UBE3D: variants seen among roughly 807,000 people sequenced by gnomAD.
UBE3D encodes the protein E3 ubiquitin-protein ligase E3D.
In UBE3D, 48 loss-of-function variants were observed where a neutral mutation model predicts 49.6. The ratio of observed to expected loss-of-function variants is 0.97; its 90% CI spans 0.77 to 1.23. The LOEUF (loss-of-function observed/expected upper bound fraction) is 1.23, where lower values mean the gene tolerates loss of function less well. Among genes scored for constraint, UBE3D ranks in the 50% most tolerant of loss-of-function variants. The pLI is 0.00. For synonymous variants in UBE3D, 189 were observed against 174.2 expected (o/e 1.08, Z -0.67); for missense variants, 452 against 468.4 (o/e 0.96, Z 0.32).
At chr6:82,990,226 T>C (rs1325966723) in intron 8 of UBE3D, among the ~76,000 whole-genome samples, 1 of 152,190 alleles carries the variant, frequency 6.6e-6, no homozygotes, top group African/African-American at 2.4e-5. Flanking sequence ...TAATTCACTA[T>C]GCCAACAGGA....
At chr6:82,983,264 T>C (rs568907023) in intron 8 of UBE3D, among the ~76,000 whole-genome samples, 1 of 152,034 alleles carries the variant, frequency 6.6e-6, no homozygotes, top group African/African-American at 2.4e-5. Context: ...AATTTACCCA[T>C]TTTTTGGCCA....
intron 9 of UBE3D, among the ~76,000 whole-genome samples, chr6:82,931,431 CA>C (rs1774143333): frequency 6.6e-6 from 1 of 152,176 alleles, no homozygotes; most frequent in African/African-American, 2.4e-5. Flanking sequence ...TTGCACTGTG[CA>C]CCTGGAAAAG....
intron 9 of UBE3D, among the ~76,000 whole-genome samples, chr6:82,949,671 G>C (rs1273028442): frequency 6.6e-6 from 1 of 151,976 alleles, no homozygotes; most frequent in African/African-American, 2.4e-5. Context: ...CAGACACACA[G>C]ACCAATGGAA....
At chr6:82,911,852 G>T (rs2127726834) in intron 9 of UBE3D, among the ~76,000 whole-genome samples, 1 of 152,272 alleles carries the variant, frequency 6.6e-6, no homozygotes. Flanking sequence ...CCTGCTTAAA[G>T]CTTTCTCCTG....
chr6:83,021,456 C>A (rs895717961), intron 7 of UBE3D, among the ~76,000 whole-genome samples: 1 of 148,146 alleles, frequency 6.8e-6, no homozygotes, highest in Admixed American at 6.8e-5. Flanking sequence ...AAACAAAAAA[C>A]AAACAGGAGC....
intron 8 of UBE3D, among the ~76,000 whole-genome samples, chr6:82,960,944 T>G (rs926438434): frequency 6.6e-6 from 1 of 152,162 alleles, no homozygotes; most frequent in Admixed American, 6.5e-5. Context: ...CATTCTGAAT[T>G]TTTTTAAAAA....
chr6:82,899,267 T>C (rs1421972869), intron 9 of UBE3D, among the ~76,000 whole-genome samples: 1 of 152,072 alleles, frequency 6.6e-6, no homozygotes, highest in Non-Finnish European at 1.5e-5. Flanking sequence ...AGGAAGAAGA[T>C]CCTGTCCCTC....
chr6:82,965,134 T>C (rs1043717952), intron 8 of UBE3D, among the ~76,000 whole-genome samples: 24 of 152,136 alleles, frequency 1.6e-4, no homozygotes, highest in Admixed American at 1.0e-3. Context: ...TCAGAAAGCA[T>C]TGGGAAAATG....
chr6:83,059,620 T>A (rs536352457), intron 1 of UBE3D, among the ~76,000 whole-genome samples: 7 of 152,182 alleles, frequency 4.6e-5, no homozygotes, highest in Non-Finnish European at 7.4e-5. Flanking sequence ...CCATCTCTGG[T>A]TTATCACATT....
chr6:83,036,562 A>G (rs1479860391), intron 5 of UBE3D: 1 of 151,838 alleles, frequency 6.6e-6, no homozygotes, highest in Non-Finnish European at 1.5e-5. Flanking sequence ...TTGCTTAATC[A>G]TTTATTTGCC....
chr6:82,986,949 C>T (rs926920482), intron 8 of UBE3D, among the ~76,000 whole-genome samples: 2 of 151,614 alleles, frequency 1.3e-5, no homozygotes, highest in South Asian at 4.2e-4. Context: ...CCCTTCCTCT[C>T]TTCCTTCCTT....
chr6:82,934,429 T>C lies in UBE3D; in HGVS notation c.1149+22883A>G, dbSNP rs1335747804. ...GGGGCTGGACTTAGACTGCATGATGTTTATGAAAGGAAACCAAAGAAAATT... is the reference window on the plus strand; with the variant it reads ...GGGGCTGGACTTAGACTGCATGATGCTTATGAAAGGAAACCAAAGAAAATT... On this transcript the variant is annotated intron_variant, in intron 9 of 9. Coordinates refer to ENST00000369747, the MANE Select transcript of UBE3D (RefSeq NM_198920.3). Among the ~76,000 whole-genome samples, 3 of 152,330 alleles carry C rather than the reference T, an allele frequency of 2.0e-5. No homozygotes were observed. The East Asian group carries it at 5.8e-4, about 29-fold the overall frequency.
Position 83,054,254 on chromosome 6 carries a change from G to A in UBE3D, c.275-16C>T. The A allele has an allele frequency of 6.3e-7, 1 of 1,589,088 alleles. No individual in the cohort carries two copies. Among genetic ancestry groups the A allele is most frequent in the Non-Finnish European group, 8.6e-7 (1 of 1,157,504 alleles). ...GAAATCAGTTCTAAAGGAAGTCAAT[G>A]AAATAGCTAATCTTAGAGATTGAAA... On this transcript the variant is annotated splice_polypyrimidine_tract_variant and intron_variant, in intron 2 of 9. Transcript: ENST00000369747.
At chr6:82,914,678 C>T (rs989637161) in intron 9 of UBE3D, among the ~76,000 whole-genome samples, 2 of 152,182 alleles carry the variant, frequency 1.3e-5, no homozygotes, top group African/African-American at 4.8e-5. Flanking sequence ...ACAATATTAA[C>T]AAAGCTGTGA....
At chr6:83,014,537 C>A (rs1300159400) in intron 8 of UBE3D, among the ~76,000 whole-genome samples, 1 of 152,190 alleles carries the variant, frequency 6.6e-6, no homozygotes, top group African/African-American at 2.4e-5. Flanking sequence ...TGAGCTAAAA[C>A]TCCATCAATT....
intron 8 of UBE3D, among the ~76,000 whole-genome samples, chr6:82,988,475 T>C (rs79844396): frequency 6.6e-6 from 1 of 151,540 alleles, no homozygotes; most frequent in Non-Finnish European, 1.5e-5. Flanking sequence ...AAAAAAAAAA[T>C]ATTCTTTAAC....
intron 8 of UBE3D, among the ~76,000 whole-genome samples, chr6:82,971,147 AAC>A (rs1777324317): frequency 6.6e-6 from 1 of 152,188 alleles, no homozygotes; most frequent in Non-Finnish European, 1.5e-5. Context: ...AAATAATTAA[AAC>A]AGTTCCATTT....
At chr6:82,935,688 T>A (rs1264741405) in intron 9 of UBE3D, among the ~76,000 whole-genome samples, 1 of 152,196 alleles carries the variant, frequency 6.6e-6, no homozygotes, top group Non-Finnish European at 1.5e-5. Context: ...GGAGACAGTT[T>A]ATCTTCAAAG....
chr6:82,944,159 C>T (rs1469887629), intron 9 of UBE3D, among the ~76,000 whole-genome samples: 1 of 152,086 alleles, frequency 6.6e-6, no homozygotes, highest in Non-Finnish European at 1.5e-5. Context: ...CTTGTGCCAC[C>T]CCTCCCCCAA....
Sources: gnomAD v4.1 joint callset for allele counts (sites outside exome capture counted in the v4.1 genomes callset) on GRCh38, gnomAD v4.1.1 for gene constraint, MANE v1.5 for transcripts, NCBI Gene and HGNC (gene_info 2026-07-23, HGNC 2026-07-21) for gene names.